CEP164: variants seen among roughly 807,000 people sequenced by gnomAD.
CEP164 encodes centrosomal protein of 164 kDa.
Under a neutral mutation model 182.7 loss-of-function variants are expected in CEP164, and 162 were observed. The observed-to-expected ratio is 0.89, with a 90% CI of 0.78 to 1.01. The LOEUF (loss-of-function observed/expected upper bound fraction) is 1.01. Among genes scored for constraint, CEP164 ranks in the 50% least tolerant of loss-of-function variants. The probability of loss-of-function intolerance (pLI) is 0.00; values close to 1 mark genes in which losing one functional copy is unlikely to be tolerated. For synonymous variants in CEP164, 661 were observed against 690.0 expected, an observed-to-expected ratio of 0.96 and a Z score of 0.66; for missense variants, 1,735 against 1,790.4, an observed-to-expected ratio of 0.97 and a Z score of 0.56.
intron 27 of CEP164, among the ~76,000 whole-genome samples, chr11:117,401,480 G>C (rs2046127993): frequency 6.6e-6 from 1 of 152,182 alleles, no homozygotes; most frequent in South Asian, 2.1e-4. Flanking sequence ...GTATCAGGAT[G>C]ATGCTGGCTT....
Position 117,395,563 on chromosome 11 carries a change from A to T in CEP164, c.2930A>T (p.His977Leu). The change falls in exon 24 of 33, where the codon CAT becomes CTT. Residue 977 changes from histidine (H) to leucine (L), a missense_variant. By Grantham distance (99) the His-to-Leu change is moderately conservative. Coordinates refer to ENST00000278935, the MANE Select transcript of CEP164 (RefSeq NM_014956.5). The part of the protein sequence containing the change: ...ALKSEEATAT[H>L]QQLEEAQKEH... ...TGCCCCTAGGAAGCCACAGCCACCCATCAGCAGCTGGAGGAGGCACAGAAG... is the reference window on the plus strand; with the variant it reads ...TGCCCCTAGGAAGCCACAGCCACCCTTCAGCAGCTGGAGGAGGCACAGAAG... 1.2e-6 allele frequency: 2 copies of T among 1,612,164 alleles called. No homozygotes were observed. Among genetic ancestry groups the T allele is most frequent in the Non-Finnish European group, 1.7e-6 (2 of 1,179,104 alleles).
At chr11:117,379,332 A>T (rs1278486900) in intron 11 of CEP164, among the ~76,000 whole-genome samples, 4 of 152,178 alleles carry the variant, frequency 2.6e-5, no homozygotes, top group Admixed American at 6.5e-5. Context: ...GCTGGGGCTT[A>T]GGCTGCCAGT....
At position 117,411,892 on chromosome 11, in the gene CEP164, G is replaced by GAACTGGT. The variant is rs1286687599; in HGVS notation, c.4264_4265insTGGTAAC (p.Arg1422LeufsTer7). 1.1e-5 allele frequency: 18 copies of GAACTGGT among 1,614,004 alleles called. No individual in the cohort carries two copies. In the Admixed American group the frequency reaches 3.0e-4, roughly 27 times the overall value. ...AATTGAGGCCAACCGGAGGTGGCTG[G>GAACTGGT]AACGTGTCAAGAATGACCCCAGGTT... On this transcript the variant is annotated frameshift_variant, in exon 32 of 33. Transcript: ENST00000278935. LOFTEE classifies it low-confidence loss of function (END_TRUNC). This position sits in a 1 kb window ranked among gnomAD's most constrained non-coding sequence, Gnocchi z 4.4.
In CEP164 at chr11:117,409,720, G is replaced by A; in HGVS notation, c.3851G>A (p.Ser1284Asn). 2 of 1,614,144 alleles carry A rather than the reference G, an allele frequency of 1.2e-6. No homozygotes were observed. The highest frequency in any genetic ancestry group is 1.7e-6 in the Non-Finnish European group (2 of 1,180,016). The change falls in exon 30 of 33, where the codon AGC (serine) becomes AAC (asparagine). Residue 1284 changes from serine to asparagine, a missense_variant. Coordinates refer to ENST00000278935, the MANE Select transcript of CEP164 (RefSeq NM_014956.5). The surrounding 1 kb of genome is among the most constrained non-coding windows in gnomAD (Gnocchi z 4.4). ...QLSSVLSILD[S>N]LNPQSPPPLL... ...AGCAGTGTCCTCAGCATCCTGGACA[G>A]CCTCAACCCTCAGTCGCCGCCGCCG...
At chr11:117,374,355 C>A (rs2042522221) in intron 10 of CEP164, among the ~76,000 whole-genome samples, 1 of 152,176 alleles carries the variant, frequency 6.6e-6, no homozygotes, top group Non-Finnish European at 1.5e-5. Context: ...ATCCTGGTTT[C>A]ATTTGCCAGG....
intron 7 of CEP164, among the ~76,000 whole-genome samples, chr11:117,363,065 G>A (rs1017075244): frequency 2.6e-5 from 4 of 152,140 alleles, no homozygotes; most frequent in Admixed American, 1.3e-4. Flanking sequence ...CTCATCTGTC[G>A]ATGAATATAT....
chr11:117,410,211 G>A, intron 30 of CEP164: 1 of 606,330 alleles, frequency 1.6e-6, no homozygotes, highest in Admixed American at 2.7e-5. Flanking sequence ...CGGTTTAGAT[G>A]GAGCCTGGCT....
At chr11:117,349,982 T>C (rs2135405207) in intron 4 of CEP164, among the ~76,000 whole-genome samples, 1 of 151,892 alleles carries the variant, frequency 6.6e-6, no homozygotes, top group Admixed American at 6.6e-5. Context: ...ACCATGTTGG[T>C]CAGGCTGGTC....
At chr11:117,322,797 T>C (rs570475437) in intron 1 of CEP164, among the ~76,000 whole-genome samples, 1 of 147,364 alleles carries the variant, frequency 6.8e-6, no homozygotes, top group African/African-American at 2.5e-5. Context: ...GATGGAGTCT[T>C]TTCTGTCACC....
intron 8 of CEP164, among the ~76,000 whole-genome samples, 191 bp from the exon 9 acceptor site, chr11:117,370,889 C>T (rs551610634): frequency 8.6e-5 from 13 of 151,704 alleles, no homozygotes; most frequent in East Asian, 1.9e-4. Flanking sequence ...CCAGCCTGGG[C>T]GACAGAGTAA....
intron 2 of CEP164, among the ~76,000 whole-genome samples, chr11:117,338,027 C>T (rs575480867): frequency 3.3e-5 from 5 of 152,092 alleles, no homozygotes; most frequent in East Asian, 3.9e-4. Context: ...ATTTTTTGCC[C>T]TTATCTTAGC....
intron 17 of CEP164, 90 bp downstream of exon 17, chr11:117,391,305 C>A: frequency 7.8e-7 from 1 of 1,275,352 alleles, no homozygotes; most frequent in Non-Finnish European, 1.1e-6. Context: ...AAGGGCAAGT[C>A]TCGGGTGGGC....
rs552722462 is a variant in CEP164, at chr11:117,387,100, C to T, written c.1725-103C>T. On this transcript the variant is annotated intron_variant, in intron 14 of 32. Transcript: ENST00000278935. ...TCTTTGACTCCTGATTGTGGGCCCT[C>T]CATTAGGATTCCATCTGTGATGTTC... 2.9e-6 allele frequency: 3 copies of T among 1,019,040 alleles called. No homozygotes were observed. The South Asian group carries it at 4.4e-5, about 15-fold the overall frequency. 63.1% of individuals were successfully genotyped at this position (1,019,040 alleles called of 1,614,324 possible).
At chr11:117,346,819 G>A (rs1004224929) in intron 4 of CEP164, among the ~76,000 whole-genome samples, 3 of 152,110 alleles carry the variant, frequency 2.0e-5, no homozygotes, top group Non-Finnish European at 2.9e-5. Flanking sequence ...AGCCGAGACT[G>A]CATCACTGCT....
In CEP164 at chr11:117,387,193, C is replaced by T. The variant is rs372267643; in HGVS notation, c.1725-10C>T. ...CCCTGTGATGATATGCCATTCCCCACCCATGGTAGGCGATCCACAGAGCCT... is the reference window on the plus strand; with the variant it reads ...CCCTGTGATGATATGCCATTCCCCATCCATGGTAGGCGATCCACAGAGCCT... On this transcript the variant is annotated splice_polypyrimidine_tract_variant and intron_variant, in intron 14 of 32. Coordinates refer to ENST00000278935, the MANE Select transcript of CEP164 (RefSeq NM_014956.5). 1.2e-6 allele frequency: 2 copies of T among 1,613,452 alleles called. No homozygotes were observed.
intron 1 of CEP164, among the ~76,000 whole-genome samples, chr11:117,321,989 C>A (rs181214588): frequency 3.5e-4 from 53 of 152,244 alleles, no homozygotes; most frequent in Admixed American, 3.4e-3. Flanking sequence ...TGAGCCATTG[C>A]TCTCGGCTGT....
chr11:117,338,766 A>G, intron 3 of CEP164, 98 bp downstream of exon 3: 1 of 956,312 alleles, frequency 1.0e-6, no homozygotes, highest in Non-Finnish European at 1.7e-6. Flanking sequence ...AAAGTATGGT[A>G]CATGTACAGA....
intron 2 of CEP164, 89 bp from the exon 3 acceptor site, chr11:117,338,477 C>T (rs865958608): frequency 7.5e-6 from 7 of 934,606 alleles, no homozygotes; most frequent in Middle Eastern, 2.6e-4. Context: ...TCTGGTTTGA[C>T]CCAGATGCTC....
At chr11:117,380,922 G>A (rs917173270) in intron 12 of CEP164, among the ~76,000 whole-genome samples, 3 of 152,230 alleles carry the variant, frequency 2.0e-5, no homozygotes, top group African/African-American at 7.2e-5. Flanking sequence ...ATGTTTGCAT[G>A]CATGAGCAGA....
Sources: allele counts gnomAD v4.1 joint callset (sites outside exome capture counted in the v4.1 genomes callset), GRCh38; gene constraint gnomAD v4.1.1; non-coding constraint Gnocchi (gnomAD v3.1); transcripts MANE v1.5; gene names NCBI Gene and HGNC (gene_info 2026-07-23, HGNC 2026-07-21).